Variants in GNPAT observed in about 807,000 individuals in gnomAD.
The protein encoded by GNPAT is glyceronephosphate O-acyltransferase.
Under a neutral mutation model 78.4 loss-of-function variants are expected in GNPAT, and 30 were observed. The ratio of observed to expected loss-of-function variants is 0.38; its 90% CI spans 0.29 to 0.52. The LOEUF (loss-of-function observed/expected upper bound fraction) is 0.52, where lower values mean the gene tolerates loss of function less well. Ranked by LOEUF, GNPAT falls within the 20% of genes least tolerant of loss-of-function variation. GNPAT has a pLI of 0.84. For synonymous variants in GNPAT, 271 were observed against 281.1 expected, an observed-to-expected ratio of 0.96 and a Z score of 0.36; for missense variants, 714 against 812.2, an observed-to-expected ratio of 0.88 and a Z score of 1.47.
At position 231,265,723 on chromosome 1, in the gene GNPAT, TC is replaced by T. The variant is rs1339774716; in HGVS notation, c.710del (p.Pro237LeufsTer17). 6.3e-7 allele frequency: 1 copy of T among 1,592,070 alleles called. No individual in the cohort carries two copies. The highest frequency in any genetic ancestry group is 1.1e-5 in the South Asian group (1 of 90,630). On this transcript the variant is annotated frameshift_variant, in exon 6 of 16. Transcript: ENST00000366647. LOFTEE classifies it high-confidence loss of function. ...TTTTCTCTTTAAAGAATGGTTATGC[TC>T]CTGTTGAATTTTTCCTCGAAGGGAC... is the stretch of plus-strand genomic sequence containing the variant. The part of the protein sequence containing the change: ...VKTMLRNGYA[P>X]VEFFLEGTRS...
intron 1 of GNPAT, among the ~76,000 whole-genome samples, chr1:231,244,506 G>T (rs1684697526): frequency 6.6e-6 from 1 of 152,130 alleles, no homozygotes; most frequent in African/African-American, 2.4e-5. Flanking sequence ...TTGGCAACTG[G>T]GCAGATGATG....
chr1:231,263,012 C>T (rs1398547531), intron 4 of GNPAT, among the ~76,000 whole-genome samples, 160 bp downstream of exon 4: 1 of 152,160 alleles, frequency 6.6e-6, no homozygotes, highest in African/African-American at 2.4e-5. Flanking sequence ...TTGTCCTGTG[C>T]TTTACTGTGC....
intron 7 of GNPAT, 38 bp from the exon 8 acceptor site, chr1:231,266,239 C>T (rs1305727050): frequency 6.2e-7 from 1 of 1,613,690 alleles, no homozygotes; most frequent in East Asian, 2.2e-5. Flanking sequence ...AAATTTACTG[C>T]TTTTCGTTTT....
Position 231,273,967 on chromosome 1 carries a change from C to A in GNPAT, c.1648C>A (p.Gln550Lys). The change falls in exon 12 of 16, where the codon CAA (glutamine) becomes AAA (lysine). Residue 550 changes from glutamine to lysine, a missense_variant. Coordinates refer to ENST00000366647, the MANE Select transcript of GNPAT (RefSeq NM_014236.4). ...CCTGCTTTGTAAAAGTGAAGCCATA[C>A]AAGTGACTACGAAAGACATCCTAGT... is the stretch of plus-strand genomic sequence containing the variant. ...CYLLCKSEAIQVTTKDILVTE... is the reference protein window; with the variant it reads ...CYLLCKSEAIKVTTKDILVTE... 3 of 1,611,448 alleles carry A rather than the reference C, an allele frequency of 1.9e-6. No homozygotes were observed. Among genetic ancestry groups the A allele is most frequent in the Non-Finnish European group, 2.5e-6 (3 of 1,177,568 alleles).
chr1:231,266,925 G>A (rs1378544176), intron 8 of GNPAT, among the ~76,000 whole-genome samples: 1 of 152,238 alleles, frequency 6.6e-6, no homozygotes, highest in African/African-American at 2.4e-5. Context: ...ACCTGGACAA[G>A]TAAGGGAGAC....
At chr1:231,258,262 CCTT>C (rs1283820871) in intron 2 of GNPAT, 2 of 152,278 alleles carry the variant, frequency 1.3e-5, no homozygotes, top group Non-Finnish European at 2.9e-5. Flanking sequence ...TGCCAACTCA[CCTT>C]CTCTGTTCCT....
intron 1 of GNPAT, among the ~76,000 whole-genome samples, chr1:231,247,768 A>G (rs1405749431): frequency 1.3e-5 from 2 of 152,220 alleles, no homozygotes; most frequent in Non-Finnish European, 2.9e-5. Flanking sequence ...AACTTGAATC[A>G]GAGATCTGGG....
intron 2 of GNPAT, among the ~76,000 whole-genome samples, chr1:231,251,999 G>A (rs940585585): frequency 7.9e-5 from 12 of 152,348 alleles, no homozygotes; most frequent in African/African-American, 1.9e-4. Context: ...AGAGAGGTAA[G>A]AGGGTCATGT....
chr1:231,247,784 G>C (rs148781658), intron 1 of GNPAT, among the ~76,000 whole-genome samples: 1 of 152,192 alleles, frequency 6.6e-6, no homozygotes, highest in Non-Finnish European at 1.5e-5. Context: ...CTGGGAACAC[G>C]TAGTGTGTTT....
chr1:231,271,871 G>A (rs566340), intron 10 of GNPAT, among the ~76,000 whole-genome samples: 154 of 152,288 alleles, frequency 1.0e-3, no homozygotes, highest in Non-Finnish European at 1.8e-3. Flanking sequence ...GGTAGGCCGT[G>A]GTAGGAGGAT....
chr1:231,242,139 A>G (rs1684629949), intron 1 of GNPAT, among the ~76,000 whole-genome samples: 1 of 152,066 alleles, frequency 6.6e-6, no homozygotes, highest in Non-Finnish European at 1.5e-5. Flanking sequence ...TTGGTCACCC[A>G]CGATTTTCAT....
At chr1:231,270,492 C>T (rs1482167935) in intron 9 of GNPAT, among the ~76,000 whole-genome samples, 3 of 152,122 alleles carry the variant, frequency 2.0e-5, no homozygotes, top group Non-Finnish European at 4.4e-5. Flanking sequence ...AGAGTAGAAA[C>T]TGATGTGCCT....
chr1:231,264,451 G>T (rs1046625619), intron 4 of GNPAT, among the ~76,000 whole-genome samples: 9 of 152,104 alleles, frequency 5.9e-5, no homozygotes, highest in African/African-American at 1.7e-4. Context: ...GATTGCTAAG[G>T]CATATAAGTT....
At chr1:231,261,704 AATT>A (rs1465326842) in intron 3 of GNPAT, among the ~76,000 whole-genome samples, 1 of 152,158 alleles carries the variant, frequency 6.6e-6, no homozygotes, top group African/African-American at 2.4e-5. Flanking sequence ...TGCCTGAATT[AATT>A]ATTATGTTAA....
At position 231,267,717 on chromosome 1, in the gene GNPAT, T is replaced by C; in HGVS notation, c.1093T>C (p.Phe365Leu). The C allele has an allele frequency of 6.2e-7, 1 of 1,610,312 alleles. No homozygotes were observed. Among genetic ancestry groups the C allele is most frequent in the Non-Finnish European group, 8.5e-7 (1 of 1,176,502 alleles). The change falls in exon 9 of 16, where the codon TTT (phenylalanine) becomes CTT (leucine). Residue 365 changes from phenylalanine to leucine, a missense_variant. Transcript: ENST00000366647. Reference sequence around the variant, plus strand: ...GAAACAGTCTGAGGACATGCATGCCTTTGTCACTGAAGTTGCCTACAAAAT... The same window carrying C: ...GAAACAGTCTGAGGACATGCATGCCCTTGTCACTGAAGTTGCCTACAAAAT... The part of the protein sequence containing the change: ...PQKQSEDMHA[F>L]VTEVAYKMEL...
rs1416725555 is a variant in GNPAT, at chr1:231,277,874, AGT to A, written c.*333_*334del. ...ACTTTTATGTTGACTTTTGAATTAA[AGT>A]ATGACAACACTGAAAGCTCTGGATA... On this transcript the variant is annotated 3_prime_UTR_variant, in exon 16 of 16. Transcript: ENST00000366647. 4.7e-6 allele frequency: 1 copy of A among 210,872 alleles called. No individual in the cohort carries two copies. The highest frequency in any genetic ancestry group is 9.6e-6 in the Non-Finnish European group (1 of 104,470). 13.1% of individuals were successfully genotyped at this position (210,872 alleles called of 1,614,324 possible). A position where few individuals can be genotyped will look rare whatever the true frequency, so the allele number is the denominator to read the frequency against.
chr1:231,251,105 G>A lies in GNPAT; in HGVS notation c.223G>A (p.Val75Ile). The change falls in exon 2 of 16, where the codon GTT becomes ATT. Residue 75 changes from valine (V) to isoleucine (I), a missense_variant. Transcript: ENST00000366647. ...TAAACCAATTGATATTAAATGTAGT[G>A]TTCTCAATTCTGAGGAGATTCATTA... Reference protein sequence around the residue: ...PCKPIDIKCSVLNSEEIHYVI... With the variant: ...PCKPIDIKCSILNSEEIHYVI... The A allele has an allele frequency of 1.9e-6, 3 of 1,595,048 alleles. No homozygotes were observed. The highest frequency in any genetic ancestry group is 2.6e-6 in the Non-Finnish European group (3 of 1,163,508).
chr1:231,255,430 T>G (rs567110944), intron 2 of GNPAT, among the ~76,000 whole-genome samples: 1 of 152,210 alleles, frequency 6.6e-6, no homozygotes, highest in East Asian at 1.9e-4. Flanking sequence ...GAAATTGATT[T>G]GTGTTATTCT....
chr1:231,271,094 CT>C (rs1171232529), intron 10 of GNPAT, 94 bp downstream of exon 10: 104 of 1,384,918 alleles, frequency 7.5e-5, no homozygotes, highest in Non-Finnish European at 9.8e-5. Context: ...AATGTTCAGC[CT>C]CACGCCGGTG....
Sources: gnomAD v4.1 joint callset for allele counts (sites outside exome capture counted in the v4.1 genomes callset) on GRCh38, gnomAD v4.1.1 for gene constraint, MANE v1.5 for transcripts, NCBI Gene and HGNC (gene_info 2026-07-23, HGNC 2026-07-21) for gene names.